RAB38: variants seen among roughly 807,000 people sequenced by gnomAD.
RAB38 encodes the protein RAB38, member RAS oncogene family, also known as ras-related protein Rab-38.
RAB38 carries 15 observed loss-of-function variants against 18.4 expected under a neutral mutation model. The observed-to-expected ratio is 0.82, with a 90% confidence interval of 0.55 to 1.26. RAB38 has a LOEUF of 1.26. RAB38 is among the 50% of genes most tolerant of loss of function. The pLI is 0.00. For missense variants in RAB38, 294 were observed against 267.4 expected, an observed-to-expected ratio of 1.10 and a Z score of -0.69; for synonymous variants, 101 against 104.4, an observed-to-expected ratio of 0.97 and a Z score of 0.20.
chr11:87,951,041 G>T, the RAB38 span, among the ~76,000 whole-genome samples: 1 of 152,064 alleles, frequency 6.6e-6, no homozygotes, highest in Non-Finnish European at 1.5e-5. Flanking sequence ...CATAGAGTTG[G>T]TCTTTTCATA....
chr11:88,008,884 G>C, the RAB38 span, among the ~76,000 whole-genome samples: 6 of 152,168 alleles, frequency 3.9e-5, no homozygotes, highest in Non-Finnish European at 7.4e-5. Flanking sequence ...ATGTTGGCCA[G>C]GATGGTCTGA....
At chr11:87,965,428 G>A in the RAB38 span, among the ~76,000 whole-genome samples, 6 of 152,136 alleles carry the variant, frequency 3.9e-5, no homozygotes, top group Admixed American at 6.5e-5. Context: ...TCATGCTATC[G>A]CTCTTCGATG....
chr11:88,077,562 T>C, the RAB38 span, among the ~76,000 whole-genome samples: 1 of 152,080 alleles, frequency 6.6e-6, no homozygotes, highest in East Asian at 1.9e-4. Flanking sequence ...AAAGACAGAA[T>C]CTTCAATGAA....
chr11:88,168,790 T>G (rs1418353911), intron 1 of RAB38, among the ~76,000 whole-genome samples: 1 of 152,204 alleles, frequency 6.6e-6, no homozygotes, highest in East Asian at 1.9e-4. Flanking sequence ...GGTTTCCTTT[T>G]GACTTCACCA....
At chr11:87,976,952 TAATTAC>T in the RAB38 span, among the ~76,000 whole-genome samples, 784 of 52,322 alleles carry the variant, frequency 0.015, 368 homozygotes, top group African/African-American at 0.065. Context: ...TTATAAAATA[TAATTAC>T]ATTATACAAG....
chr11:87,947,107 A>G, the RAB38 span, among the ~76,000 whole-genome samples: 1 of 151,988 alleles, frequency 6.6e-6, no homozygotes, highest in Non-Finnish European at 1.5e-5. Flanking sequence ...ATGGTATCTC[A>G]TTGTGGTTTT....
At chr11:88,069,996 T>G in the RAB38 span, among the ~76,000 whole-genome samples, 1 of 151,988 alleles carries the variant, frequency 6.6e-6, no homozygotes, top group Non-Finnish European at 1.5e-5. Context: ...AGGATGTGGG[T>G]GGGGTCAGAT....
chr11:87,942,000 A>T, the RAB38 span, among the ~76,000 whole-genome samples: 7 of 152,278 alleles, frequency 4.6e-5, no homozygotes, highest in African/African-American at 1.4e-4. Context: ...GAGGCTGCTG[A>T]CAGCCCTGAC....
At chr11:87,953,007 A>T in the RAB38 span, among the ~76,000 whole-genome samples, 11 of 152,150 alleles carry the variant, frequency 7.2e-5, no homozygotes, top group Non-Finnish European at 1.3e-4. Flanking sequence ...ATTAAAATTA[A>T]AATTTTAATA....
At chr11:88,110,657 A>G (rs940319596), downstream of RAB38, among the ~76,000 whole-genome samples, 2 of 151,936 alleles carry the variant, frequency 1.3e-5, no homozygotes, top group Non-Finnish European at 2.9e-5. Context: ...CCTCTACTAA[A>G]AATACAAAAA....
chr11:88,061,535 C>A, the RAB38 span: 1 of 152,018 alleles, frequency 6.6e-6, no homozygotes, highest in African/African-American at 2.4e-5. Flanking sequence ...TATGTATTTG[C>A]CTCAAAAATA....
At chr11:88,146,038 T>G (rs1419343917) in intron 2 of RAB38, among the ~76,000 whole-genome samples, 2 of 152,184 alleles carry the variant, frequency 1.3e-5, no homozygotes, top group Non-Finnish European at 2.9e-5. Flanking sequence ...GAAGAGATAA[T>G]GTGAAAAACC....
At chr11:88,010,173 G>A in the RAB38 span, among the ~76,000 whole-genome samples, 1 of 152,156 alleles carries the variant, frequency 6.6e-6, no homozygotes, top group Non-Finnish European at 1.5e-5. Context: ...CAAATTTTTA[G>A]ACTAGGGATG....
At chr11:87,889,289 C>G in the RAB38 span, among the ~76,000 whole-genome samples, 1 of 151,912 alleles carries the variant, frequency 6.6e-6, no homozygotes, top group African/African-American at 2.4e-5. Flanking sequence ...TGGGGCCAAA[C>G]AAGAATGCTT....
intron 1 of RAB38, among the ~76,000 whole-genome samples, chr11:88,162,079 T>C (rs974607152): frequency 5.9e-5 from 9 of 152,140 alleles, no homozygotes; most frequent in African/African-American, 2.2e-4. Context: ...TGGCTTGTGC[T>C]GGTTTTGAAA....
At chr11:88,040,562 G>C in the RAB38 span, among the ~76,000 whole-genome samples, 1 of 152,110 alleles carries the variant, frequency 6.6e-6, no homozygotes, top group South Asian at 2.1e-4. Flanking sequence ...AAAATTAGCT[G>C]GGTATGGTGG....
the RAB38 span, among the ~76,000 whole-genome samples, chr11:88,090,817 C>A: frequency 1.3e-5 from 2 of 151,870 alleles, no homozygotes; most frequent in African/African-American, 4.8e-5. Context: ...CACCAAATGC[C>A]AAAATGCTGG....
At chr11:87,976,264 G>A in the RAB38 span, among the ~76,000 whole-genome samples, 2 of 141,980 alleles carry the variant, frequency 1.4e-5, no homozygotes, top group South Asian at 4.5e-4. Flanking sequence ...ATACATGTAA[G>A]AGAAGGTGTG....
chr11:87,905,441 A>G, the RAB38 span, among the ~76,000 whole-genome samples: 7 of 151,934 alleles, frequency 4.6e-5, no homozygotes, highest in African/African-American at 1.7e-4. Context: ...CCTAAACCTT[A>G]TAAATGGTGT....
Sources: gnomAD v4.1 joint callset for allele counts (sites outside exome capture counted in the v4.1 genomes callset) on GRCh38, gnomAD v4.1.1 for gene constraint, MANE v1.5 for transcripts, NCBI Gene and HGNC (gene_info 2026-07-23, HGNC 2026-07-21) for gene names.